The following ZGRF1 variants were observed in gnomAD, a reference collection of about 807,000 sequenced individuals.
ZGRF1 encodes 5'-3' DNA helicase ZGRF1.
A neutral mutation model predicts 203.5 loss-of-function variants in ZGRF1; 196 were observed. The ratio of observed to expected loss-of-function variants is 0.96; its 90% CI spans 0.86 to 1.08. The LOEUF (loss-of-function observed/expected upper bound fraction) is 1.08. ZGRF1 is among the 50% of genes least tolerant of loss of function. The probability of loss-of-function intolerance (pLI) is 0.00; values close to 1 mark genes in which losing one functional copy is unlikely to be tolerated. For synonymous variants in ZGRF1, 809 were observed against 841.3 expected, an observed-to-expected ratio of 0.96 and a Z score of 0.66; for missense variants, 2,326 against 2,416.3, an observed-to-expected ratio of 0.96 and a Z score of 0.78.
rs1431993642 is a variant in ZGRF1 at position 112,618,583 on chromosome 4, T to G, written c.1459A>C (p.Ile487Leu). 6.2e-7 allele frequency: 1 copy of G among 1,613,778 alleles called. No individual in the cohort carries two copies. Among genetic ancestry groups the G allele is most frequent in the South Asian group, 1.1e-5 (1 of 91,070 alleles). ...ATCCTAGAATTATTACTAGATTCAA[T>G]TTGGAGATGTTTCAGTTCTGGCAGA... ...SSLPELKHLQ[I>L]ESSNNSRISD... is the part of the protein sequence containing the mutation. Residue 487 changes from isoleucine (I) to leucine (L), a missense_variant, in exon 6 of 28, where the codon ATT (isoleucine) becomes CTT (leucine). Transcript: ENST00000505019.
At chr4:112,553,520 T>G (rs1009906217) in intron 22 of ZGRF1, among the ~76,000 whole-genome samples, 4 of 152,240 alleles carry the variant, frequency 2.6e-5, no homozygotes, top group African/African-American at 9.6e-5. Context: ...TTCATTTAAC[T>G]TGTAAGGAAT....
chr4:112,601,171 G>A (rs1257987752), intron 10 of ZGRF1, among the ~76,000 whole-genome samples: 1 of 151,902 alleles, frequency 6.6e-6, no homozygotes, highest in Non-Finnish European at 1.5e-5. Flanking sequence ...AACACTTTGG[G>A]GGGCTGAGGC....
chr4:112,605,814 T>A (rs183450993), intron 9 of ZGRF1, 194 bp downstream of exon 9: 2 of 550,792 alleles, frequency 3.6e-6, no homozygotes, highest in African/African-American at 3.8e-5. Context: ...ATTAGTAGTA[T>A]AGAGAAAGTT....
intron 15 of ZGRF1, 39 bp from the exon 16 acceptor site, chr4:112,581,841 TA>T (rs1197152102): frequency 4.6e-6 from 5 of 1,089,396 alleles, no homozygotes; most frequent in Admixed American, 3.8e-5. Flanking sequence ...ATTGTAATAT[TA>T]AGATGCAAGT....
At position 112,618,982 on chromosome 4, in the gene ZGRF1, C is replaced by A. The variant is rs555224746; in HGVS notation, c.1060G>T (p.Ala354Ser). 4.8e-5 allele frequency: 77 copies of A among 1,613,394 alleles called. No homozygotes were observed. The South Asian group carries it at 7.7e-4, about 16-fold the overall frequency. ...DGNDTERKPKAQEDDVNSNLK... is the reference protein window; with the variant it reads ...DGNDTERKPKSQEDDVNSNLK... ...TTAGAATTTACATCATCTTCCTGGG[C>A]CTTGGGTTTCCTTTCTGTATCATTC... is the stretch of plus-strand genomic sequence containing the variant. The change falls in exon 6 of 28, where the codon GCC becomes TCC. Residue 354 changes from alanine to serine, a missense_variant. Physicochemically the swap from Ala to Ser is moderately conservative, Grantham distance 99. Coordinates refer to ENST00000505019, the MANE Select transcript of ZGRF1 (RefSeq NM_018392.5).
Position 112,540,895 on chromosome 4 carries a change from G to C in ZGRF1, c.5836C>G (p.Gln1946Glu). The C allele has an allele frequency of 6.3e-7, 1 of 1,585,426 alleles. No homozygotes were observed. The highest frequency in any genetic ancestry group is 8.6e-7 in the Non-Finnish European group (1 of 1,164,164). Residue 1946 changes from glutamine to glutamate, a missense_variant, in exon 26 of 28, where the codon CAA (glutamine) becomes GAA (glutamate). Gln to Glu is a conservative substitution (Grantham distance 29). Coordinates refer to ENST00000505019, the MANE Select transcript of ZGRF1 (RefSeq NM_018392.5). The stretch of plus-strand genomic sequence containing the variant: ...GCTATTCCACTTGCAATCAGTGATT[G>C]AATCAGCTTGAGTGTAAACGTAGCT... The part of the protein sequence containing the change: ...AEATFTLKLI[Q>E]SLIASGIAGS...
intron 10 of ZGRF1, among the ~76,000 whole-genome samples, chr4:112,596,400 A>G (rs1253302543): frequency 6.6e-6 from 1 of 152,212 alleles, no homozygotes; most frequent in African/African-American, 2.4e-5. Context: ...ACAATGGACT[A>G]AAATATTTGA....
At chr4:112,556,410 A>G (rs962779099) in intron 20 of ZGRF1, among the ~76,000 whole-genome samples, 1 of 152,014 alleles carries the variant, frequency 6.6e-6, no homozygotes, top group Admixed American at 6.6e-5. Context: ...TTTTTTTTTG[A>G]GACAGAGTCT....
At chr4:112,567,638 A>G (rs1185522276) in intron 16 of ZGRF1, among the ~76,000 whole-genome samples, 1 of 152,166 alleles carries the variant, frequency 6.6e-6, no homozygotes, top group Non-Finnish European at 1.5e-5. Context: ...TACATACAAG[A>G]AAACAGGCCA....
At chr4:112,631,064 C>T (rs1409582015) in intron 3 of ZGRF1, among the ~76,000 whole-genome samples, 2 of 152,132 alleles carry the variant, frequency 1.3e-5, no homozygotes, top group East Asian at 1.9e-4. Flanking sequence ...AAAAGAATAC[C>T]TAACTAGTAG....
At chr4:112,563,038 G>T in intron 17 of ZGRF1, 93 bp downstream of exon 17, 1 of 1,025,770 alleles carries the variant, frequency 9.7e-7, no homozygotes, top group Non-Finnish European at 1.4e-6. Flanking sequence ...CGAAACTAGA[G>T]TTGGGTCCTT....
At chr4:112,603,201 G>T (rs531118794) in intron 10 of ZGRF1, among the ~76,000 whole-genome samples, 1 of 152,118 alleles carries the variant, frequency 6.6e-6, no homozygotes, top group African/African-American at 2.4e-5. Flanking sequence ...AAAGAGAGAA[G>T]GGAAATATCA....
At chr4:112,613,973 T>C (rs1486180021) in intron 6 of ZGRF1, among the ~76,000 whole-genome samples, 2 of 152,232 alleles carry the variant, frequency 1.3e-5, no homozygotes, top group Non-Finnish European at 2.9e-5. Context: ...ATTTTGGAAC[T>C]TGACATTTCT....
intron 10 of ZGRF1, among the ~76,000 whole-genome samples, chr4:112,595,904 T>C (rs1748922916): frequency 6.6e-6 from 1 of 152,206 alleles, no homozygotes; most frequent in Non-Finnish European, 1.5e-5. Context: ...TAGTAGTATC[T>C]CAGAATTTGA....
intron 15 of ZGRF1, among the ~76,000 whole-genome samples, chr4:112,583,003 C>T (rs760046845): frequency 2.0e-5 from 3 of 152,104 alleles, no homozygotes; most frequent in Non-Finnish European, 2.9e-5. Context: ...TGGATACATA[C>T]CCAAGAATGG....
At chr4:112,559,703 A>G (rs1452930359) in intron 19 of ZGRF1, among the ~76,000 whole-genome samples, 2 of 152,234 alleles carry the variant, frequency 1.3e-5, no homozygotes, top group African/African-American at 4.8e-5. Flanking sequence ...TATGAGGTGA[A>G]TGCTATTATG....
chr4:112,544,517 G>C (rs1738358515), intron 24 of ZGRF1, among the ~76,000 whole-genome samples: 1 of 152,162 alleles, frequency 6.6e-6, no homozygotes, highest in South Asian at 2.1e-4. Context: ...AGAATTGAAG[G>C]CTCAAGAACT....
chr4:112,559,860 T>C (rs1029312092), intron 19 of ZGRF1, among the ~76,000 whole-genome samples: 1 of 152,076 alleles, frequency 6.6e-6, no homozygotes, highest in Non-Finnish European at 1.5e-5. Flanking sequence ...TATATGGAGG[T>C]ATGATGAAGG....
At chr4:112,627,725 G>A (rs978156414) in intron 3 of ZGRF1, among the ~76,000 whole-genome samples, 2 of 152,118 alleles carry the variant, frequency 1.3e-5, no homozygotes, top group African/African-American at 4.8e-5. Flanking sequence ...GGGTGACAGT[G>A]GAAGACTTCT....
Sources: allele counts gnomAD v4.1 joint callset (sites outside exome capture counted in the v4.1 genomes callset), GRCh38; gene constraint gnomAD v4.1.1; transcripts MANE v1.5; gene names NCBI Gene and HGNC (gene_info 2026-07-23, HGNC 2026-07-21).